The following RBFOX1 variants were observed in gnomAD, a reference collection of about 807,000 sequenced individuals.
RBFOX1 encodes the protein RNA binding protein fox-1 homolog 1.
Under a neutral mutation model 57.7 loss-of-function variants are expected in RBFOX1, and 8 were observed. The observed-to-expected ratio is 0.14, with a 90% CI of 0.08 to 0.25. The LOEUF (loss-of-function observed/expected upper bound fraction) is 0.25, where lower values mean the gene tolerates loss of function less well. Among genes scored for constraint, RBFOX1 ranks in the 10% least tolerant of loss-of-function variants. The pLI is 1.00. For synonymous variants in RBFOX1, 326 were observed against 222.4 expected (o/e 1.47, Z -4.15); for missense variants, 611 against 548.5 (o/e 1.11, Z -1.14).
intron 1 of RBFOX1, among the ~76,000 whole-genome samples, chr16:5,444,641 A>C (rs1041324097): frequency 2.0e-5 from 3 of 152,184 alleles, no homozygotes; most frequent in African/African-American, 7.2e-5. Flanking sequence ...AGCTAGTGGC[A>C]TGGCTATACA....
At chr16:7,634,861 G>C (rs1382300175) in intron 11 of RBFOX1, among the ~76,000 whole-genome samples, 1 of 152,160 alleles carries the variant, frequency 6.6e-6, no homozygotes, top group Non-Finnish European at 1.5e-5. Flanking sequence ...CTTAAATGAA[G>C]AAAGAACAAA....
At chr16:5,337,361 G>A (rs192789248) in intron 1 of RBFOX1, among the ~76,000 whole-genome samples, 25 of 152,290 alleles carry the variant, frequency 1.6e-4, no homozygotes, top group African/African-American at 5.8e-4. Flanking sequence ...GAGTGCATGG[G>A]TCAAATATAA....
At chr16:6,246,055 G>C (rs2097567511) in intron 1 of RBFOX1, among the ~76,000 whole-genome samples, 1 of 152,084 alleles carries the variant, frequency 6.6e-6, no homozygotes, top group Non-Finnish European at 1.5e-5. Context: ...CAGAATTATT[G>C]TGGTTTTAAG....
rs565733560 is a variant in RBFOX1 at position 5,739,382 on chromosome 16, A to G, written c.319-127921A>G. ...GGTAATACAGCTGTGAATAAAACAG[A>G]CAAGAATCTGTGCCATTGTGGCACT... On this transcript the variant is annotated intron_variant, in intron 3 of 19. Coordinates refer to the RBFOX1 transcript ENST00000641259. Among the ~76,000 whole-genome samples, 3 of 152,368 alleles carry G rather than the reference A, an allele frequency of 2.0e-5. No homozygotes were observed. In the South Asian group the frequency reaches 6.2e-4, roughly 32 times the overall value.
chr16:5,407,579 C>T (rs570480668), intron 1 of RBFOX1, among the ~76,000 whole-genome samples: 71 of 151,988 alleles, frequency 4.7e-4, no homozygotes, highest in South Asian at 2.1e-3. Flanking sequence ...TTTTTTGTCT[C>T]ACTCTGTCAC....
intron 1 of RBFOX1, among the ~76,000 whole-genome samples, chr16:6,144,465 G>C (rs2096742552): frequency 6.6e-6 from 1 of 152,144 alleles, no homozygotes. Context: ...CTTCTGTCAG[G>C]CTTTGGAGCT....
At chr16:5,463,919 T>G (rs2068873984) in intron 1 of RBFOX1, among the ~76,000 whole-genome samples, 2 of 152,144 alleles carry the variant, frequency 1.3e-5, no homozygotes, top group Admixed American at 6.5e-5. Flanking sequence ...TCAGCCAAAT[T>G]GTGTTCAGCA....
At chr16:7,033,050 C>A in intron 3 of RBFOX1, among the ~76,000 whole-genome samples, 1 of 152,140 alleles carries the variant, frequency 6.6e-6, no homozygotes, top group African/African-American at 2.4e-5. Context: ...TGTCCACTAG[C>A]CCTGTCTTCA....
intron 4 of RBFOX1, among the ~76,000 whole-genome samples, chr16:7,206,753 G>A (rs61461936): frequency 0.18 from 27,112 of 152,018 alleles, 2,625 homozygotes; most frequent in East Asian, 0.37. Flanking sequence ...ATTTCTCATA[G>A]CTGAATTCCC....
At chr16:7,500,126 G>A (rs984055739) in intron 4 of RBFOX1, among the ~76,000 whole-genome samples, 5 of 152,034 alleles carry the variant, frequency 3.3e-5, no homozygotes, top group African/African-American at 9.7e-5. Context: ...TCTTAGCTAC[G>A]GAAGAATAAT....
At chr16:6,247,613 C>T (rs1355455247) in intron 1 of RBFOX1, among the ~76,000 whole-genome samples, 1 of 152,104 alleles carries the variant, frequency 6.6e-6, no homozygotes. Flanking sequence ...CAAAACAACC[C>T]TACAGGAGTC....
chr16:6,866,751 C>T (rs1244390461), intron 3 of RBFOX1, among the ~76,000 whole-genome samples: 1 of 151,744 alleles, frequency 6.6e-6, no homozygotes, highest in Admixed American at 6.6e-5. Context: ...ACCGTGTTAG[C>T]CAGGATGGTC....
At chr16:7,670,492 C>A (rs1005615827) in intron 13 of RBFOX1, among the ~76,000 whole-genome samples, 1 of 151,826 alleles carries the variant, frequency 6.6e-6, no homozygotes, top group East Asian at 1.9e-4. Context: ...TTGAAAAGTA[C>A]GGTGAAAGAT....
At chr16:5,804,888 G>C (rs992266288) in intron 3 of RBFOX1, among the ~76,000 whole-genome samples, 3 of 152,152 alleles carry the variant, frequency 2.0e-5, no homozygotes, top group Admixed American at 2.0e-4. Flanking sequence ...GGATATGTGG[G>C]GAATTGACGG....
intron 2 of RBFOX1, among the ~76,000 whole-genome samples, chr16:6,540,777 C>T (rs1483841428): frequency 6.6e-6 from 1 of 152,146 alleles, no homozygotes; most frequent in Non-Finnish European, 1.5e-5. Flanking sequence ...TAAAGTAACT[C>T]TTTAAAAAGA....
At chr16:7,222,542 G>A (rs12935687) in intron 4 of RBFOX1, among the ~76,000 whole-genome samples, 24,643 of 152,160 alleles carry the variant, frequency 0.16, 2,402 homozygotes, top group Non-Finnish European at 0.2. Context: ...CAGAGGAGAC[G>A]GCGAAGCAAC....
chr16:7,351,065 G>A (rs2097122264), intron 4 of RBFOX1, among the ~76,000 whole-genome samples: 1 of 152,162 alleles, frequency 6.6e-6, no homozygotes, highest in South Asian at 2.1e-4. Context: ...TCTGTCTTCG[G>A]GATGGCTGGT....
chr16:6,462,430 C>T (rs1023802369), intron 2 of RBFOX1, among the ~76,000 whole-genome samples: 4 of 152,202 alleles, frequency 2.6e-5, no homozygotes, highest in African/African-American at 7.2e-5. Context: ...TAAAAATCTA[C>T]TTACTCCTTT....
intron 2 of RBFOX1, among the ~76,000 whole-genome samples, chr16:6,554,011 A>G (rs796640983): frequency 2.4e-4 from 37 of 151,442 alleles, no homozygotes; most frequent in African/African-American, 7.9e-4. Flanking sequence ...CATATTAGGG[A>G]TGAATAAATG....
Sources: gnomAD v4.1 joint callset for allele counts (sites outside exome capture counted in the v4.1 genomes callset) on GRCh38, gnomAD v4.1.1 for gene constraint, MANE v1.5 for transcripts, NCBI Gene and HGNC (gene_info 2026-07-23, HGNC 2026-07-21) for gene names.